The following FADS2 variants were observed in gnomAD, a reference collection of about 807,000 sequenced individuals.
FADS2 encodes the protein fatty acid desaturase 2, also known as acyl-CoA 6-desaturase.
A neutral mutation model predicts 61.2 loss-of-function variants in FADS2; 18 were observed. The observed-to-expected ratio is 0.29, with a 90% CI of 0.20 to 0.44. The LOEUF is 0.44. Ranked by LOEUF, FADS2 falls within the 20% of genes least tolerant of loss-of-function variation. The pLI, the probability that FADS2 is intolerant of heterozygous loss-of-function variation, is 1.00. For synonymous variants in FADS2, 203 were observed against 223.9 expected (o/e 0.91, Z 0.83); for missense variants, 322 against 572.7 (o/e 0.56, Z 4.47).
Position 61,816,830 on chromosome 11 carries a change from A to C in FADS2, c.141+404A>C, listed in dbSNP as rs1277352574. 8.0e-6 allele frequency: 12 copies of C among 1,492,534 alleles called. No homozygotes were observed. The highest frequency in any genetic ancestry group is 9.7e-6 in the Non-Finnish European group (11 of 1,130,982). The allele number at this position is 1,492,534 out of a possible 1,614,324, so 92.5% of individuals were successfully genotyped here. ...CGCGTGCTCGGGGTCCGCGGGCTCC[A>C]GGAGTGGATTTGCTGGCGCGCGCCC... On this transcript the variant is annotated intron_variant, in intron 1 of 11. Transcript: ENST00000257261. The surrounding 1 kb of genome is among the most constrained non-coding windows in gnomAD (Gnocchi z 7.0).
At chr11:61,821,409 T>C (rs914424516) in intron 1 of FADS2, 9 of 702,108 alleles carry the variant, frequency 1.3e-5, no homozygotes, top group African/African-American at 7.0e-5. Context: ...TTAATGCCGA[T>C]TGTAATGAAG....
At chr11:61,833,881 C>G (rs143154756) in intron 1 of FADS2, among the ~76,000 whole-genome samples, 83 of 152,232 alleles carry the variant, frequency 5.5e-4, no homozygotes, top group African/African-American at 1.8e-3. Context: ...CCATTTATTC[C>G]CTCGTGAGCC....
chr11:61,834,991 C>CG (rs1309792837), intron 1 of FADS2, among the ~76,000 whole-genome samples: 1 of 147,384 alleles, frequency 6.8e-6, no homozygotes, highest in Non-Finnish European at 1.5e-5. Context: ...GCCCCCCCAC[C>CG]CCAGCCCTCC....
In FADS2 at chr11:61,848,215, C is replaced by T; in HGVS notation, c.675C>T (p.Asn225=). The T allele has an allele frequency of 5.0e-6, 8 of 1,614,246 alleles. No homozygotes were observed. Among genetic ancestry groups the T allele is most frequent in the Non-Finnish European group, 6.8e-6 (8 of 1,180,052 alleles). Residue 225 remains asparagine (N), a synonymous_variant, in exon 5 of 12, where the codon AAC becomes AAT. Transcript: ENST00000278840. Reference sequence around the variant, plus strand: ...ACTTCCAGCACCACGCCAAGCCTAACATCTTCCACAAGGATCCCGATGTGA... The same window carrying T: ...ACTTCCAGCACCACGCCAAGCCTAATATCTTCCACAAGGATCCCGATGTGA... The part of the protein sequence containing the change: ...HRHFQHHAKP[N]IFHKDPDVNM...
intron 1 of FADS2, among the ~76,000 whole-genome samples, chr11:61,820,787 T>TGGCCA (rs2135947021): frequency 6.6e-6 from 1 of 152,086 alleles, no homozygotes; most frequent in South Asian, 2.1e-4. Flanking sequence ...TAATCCCAGC[T>TGGCCA]ACTTTGTGGG....
At chr11:61,825,752 G>T (rs1055963774), upstream of FADS2, among the ~76,000 whole-genome samples, 6 of 151,974 alleles carry the variant, frequency 3.9e-5, no homozygotes, top group African/African-American at 7.3e-5. Flanking sequence ...AATTAGCCGG[G>T]TGTGGTGGCA....
chr11:61,831,128 T>A (rs2067125076), intron 1 of FADS2, among the ~76,000 whole-genome samples: 1 of 151,842 alleles, frequency 6.6e-6, no homozygotes, highest in South Asian at 2.1e-4. Context: ...AGGACCAGGT[T>A]GGAAAAAGGC....
At chr11:61,824,447 G>A (rs1468825529), upstream of FADS2, among the ~76,000 whole-genome samples, 863 of 5,202 alleles carry the variant, frequency 0.17, 125 homozygotes, top group East Asian at 0.45. Context: ...AGGGAGGGAG[G>A]GAGGGAGGGA....
chr11:61,838,018 C>A, intron 2 of FADS2, 130 bp downstream of exon 2: 1 of 685,486 alleles, frequency 1.5e-6, no homozygotes, highest in Non-Finnish European at 2.6e-6. Context: ...CCTGGAGGAG[C>A]CACTGTGGTT....
upstream of FADS2, among the ~76,000 whole-genome samples, chr11:61,825,685 G>A (rs2067079046): frequency 6.6e-6 from 1 of 151,414 alleles, no homozygotes; most frequent in South Asian, 2.1e-4. Flanking sequence ...GAGGTCAGGA[G>A]ATCGAGACCA....
intron 4 of FADS2, among the ~76,000 whole-genome samples, chr11:61,845,248 G>A (rs946366745): frequency 3.9e-5 from 6 of 151,934 alleles, no homozygotes; most frequent in Non-Finnish European, 7.4e-5. Flanking sequence ...TGGACACTTA[G>A]CTTTCCTGGC....
At chr11:61,849,241 C>T (rs889227488) in intron 5 of FADS2, among the ~76,000 whole-genome samples, 7 of 152,102 alleles carry the variant, frequency 4.6e-5, no homozygotes, top group Admixed American at 6.6e-5. Flanking sequence ...AGGCCCCAGA[C>T]CTTTGGACTG....
At chr11:61,852,550 T>C (rs923694086) in intron 5 of FADS2, among the ~76,000 whole-genome samples, 13 of 152,324 alleles carry the variant, frequency 8.5e-5, no homozygotes, top group Admixed American at 7.2e-4. Context: ...CATGAGCCAC[T>C]GTGCCCGGCC....
intron 4 of FADS2, among the ~76,000 whole-genome samples, chr11:61,845,175 G>A (rs2067247444): frequency 1.3e-5 from 2 of 150,830 alleles, no homozygotes; most frequent in African/African-American, 2.4e-5. Context: ...AGGGCCTCCC[G>A]TAGGCTCTTG....
intron 7 of FADS2, among the ~76,000 whole-genome samples, chr11:61,861,183 T>A (rs1253883406): frequency 6.6e-6 from 1 of 151,230 alleles, no homozygotes; most frequent in African/African-American, 2.4e-5. Flanking sequence ...TGAAACCCCA[T>A]CTCCACTAAA....
rs185062187 is a variant in FADS2 at position 61,849,952 on chromosome 11, G to A, written c.744+1668G>A. ...AGGCTGAGGTGGGGGAATCACTTGAGCCTGGGAGCCTCAAGGCTGCAATGA... is the reference window on the plus strand; with the variant it reads ...AGGCTGAGGTGGGGGAATCACTTGAACCTGGGAGCCTCAAGGCTGCAATGA... On this transcript the variant is annotated intron_variant, in intron 5 of 11. Transcript: ENST00000278840. Among the ~76,000 whole-genome samples, 160 of 152,068 alleles carry A rather than the reference G, an allele frequency of 1.1e-3. 1 individual carries two copies. Among genetic ancestry groups the A allele is most frequent in the African/African-American group, 3.8e-3 (157 of 41,466 alleles).
chr11:61,852,852 A>C (rs1448955052), intron 5 of FADS2, among the ~76,000 whole-genome samples: 1 of 152,092 alleles, frequency 6.6e-6, no homozygotes, highest in Non-Finnish European at 1.5e-5. Flanking sequence ...ATCCTAGAAA[A>C]TAATGAAAAC....
intron 1 of FADS2, among the ~76,000 whole-genome samples, chr11:61,835,560 A>AT (rs57778794): frequency 0.11 from 15,943 of 138,970 alleles, 1,299 homozygotes; most frequent in East Asian, 0.42. Flanking sequence ...CACCTGGCTA[A>AT]TTTTTTTTTT....
upstream of FADS2, chr11:61,826,272 T>C (rs377197502): frequency 1.5e-3 from 1,070 of 702,562 alleles, 2 homozygotes; most frequent in Non-Finnish European, 2.3e-3. Flanking sequence ...CATGTTTTTA[T>C]GTTTTTTCAG....
Sources: allele counts gnomAD v4.1 joint callset (sites outside exome capture counted in the v4.1 genomes callset), GRCh38; gene constraint gnomAD v4.1.1; non-coding constraint Gnocchi (gnomAD v3.1); transcripts MANE v1.5; gene names NCBI Gene and HGNC (gene_info 2026-07-23, HGNC 2026-07-21).